Variants in CELF2 observed in about 807,000 individuals in gnomAD.
The protein encoded by CELF2 is CUG triplet repeat RNA-binding protein 2.
In CELF2, 8 loss-of-function variants were observed where a neutral mutation model predicts 62.6. The ratio of observed to expected loss-of-function variants is 0.13; its 90% confidence interval spans 0.07 to 0.23. CELF2 has a LOEUF of 0.23. CELF2 is among the 10% of genes least tolerant of loss of function. The probability of loss-of-function intolerance (pLI) is 1.00; values close to 1 mark genes in which losing one functional copy is unlikely to be tolerated. For synonymous variants in CELF2, 258 were observed against 250.0 expected, an observed-to-expected ratio of 1.03 and a Z score of -0.30; for missense variants, 333 against 671.0, an observed-to-expected ratio of 0.50 and a Z score of 5.56.
intron 1 of CELF2, among the ~76,000 whole-genome samples, chr10:10,868,304 C>T (rs893284263): frequency 5.9e-5 from 9 of 152,288 alleles, no homozygotes; most frequent in South Asian, 2.1e-4. Flanking sequence ...ATGGCTCACA[C>T]GCAAAGTTGG....
intron 9 of CELF2, among the ~76,000 whole-genome samples, chr10:11,289,068 T>C (rs1446697259): frequency 6.6e-6 from 1 of 152,254 alleles, no homozygotes; most frequent in Non-Finnish European, 1.5e-5. Context: ...TTAAAGTCTT[T>C]TTTTCTTCAC....
At chr10:11,040,219 C>T (rs2061591990) in intron 1 of CELF2, among the ~76,000 whole-genome samples, 1 of 152,132 alleles carries the variant, frequency 6.6e-6, no homozygotes, top group South Asian at 2.1e-4. Context: ...TAACTGTGTT[C>T]TCTGTGAATG....
chr10:10,809,231 G>A (rs1239550809), intron 1 of CELF2, among the ~76,000 whole-genome samples: 1 of 151,972 alleles, frequency 6.6e-6, no homozygotes, highest in Admixed American at 6.6e-5. Context: ...CTCTACCATG[G>A]AAGGGCACAG....
chr10:10,678,083 A>G, the CELF2 span, among the ~76,000 whole-genome samples: 1 of 152,188 alleles, frequency 6.6e-6, no homozygotes, highest in African/African-American at 2.4e-5. Context: ...CTTCTTTGGC[A>G]TATTCTGACT....
chr10:11,225,411 C>G (rs187406133), intron 3 of CELF2, among the ~76,000 whole-genome samples: 103 of 152,328 alleles, frequency 6.8e-4, no homozygotes, highest in African/African-American at 2.3e-3. Flanking sequence ...TCCAATCTTG[C>G]AAAACTCTTC....
chr10:10,698,505 T>C, the CELF2 span, among the ~76,000 whole-genome samples: 5 of 152,244 alleles, frequency 3.3e-5, no homozygotes, highest in African/African-American at 1.2e-4. Flanking sequence ...CCTAATTTCA[T>C]CTACAAAATT....
At position 11,145,723 on chromosome 10, in the gene CELF2, C is replaced by T. The variant is rs1362046389; in HGVS notation, c.75-19763C>T. ...CATGCTTTAGAAAATCCAGCCAGGC[C>T]TCTGTGGTAGATAAGAAGTTGCTTC... is the stretch of plus-strand genomic sequence containing the variant. On this transcript the variant is annotated intron_variant, in intron 1 of 12. Coordinates refer to ENST00000633077, the MANE Select transcript of CELF2 (RefSeq NM_001326342.2). This position sits in a 1 kb window ranked among gnomAD's most constrained non-coding sequence, Gnocchi z 4.3. Among the ~76,000 whole-genome samples, 1 of 152,154 alleles carries T rather than the reference C, an allele frequency of 6.6e-6. No homozygotes were observed. The highest frequency in any genetic ancestry group is 1.5e-5 in the Non-Finnish European group (1 of 68,030).
chr10:11,218,699 A>G (rs1039502500), intron 3 of CELF2, among the ~76,000 whole-genome samples: 2 of 152,270 alleles, frequency 1.3e-5, no homozygotes, highest in African/African-American at 2.4e-5. Context: ...GTGTGGTCCC[A>G]CAATGGTCCT....
chr10:10,941,206 T>A (rs1488391111), intron 2 of CELF2, among the ~76,000 whole-genome samples: 1 of 152,198 alleles, frequency 6.6e-6, no homozygotes. Flanking sequence ...TTCTCTTTTT[T>A]TCTGGAGGAG....
chr10:10,792,954 G>A, the CELF2 span, among the ~76,000 whole-genome samples: 16 of 152,118 alleles, frequency 1.1e-4, no homozygotes, highest in Admixed American at 3.9e-4. Context: ...GCTTTAATCC[G>A]TTTTACCCTC....
chr10:10,878,321 G>A (rs1442241359), intron 1 of CELF2, among the ~76,000 whole-genome samples: 1 of 152,230 alleles, frequency 6.6e-6, no homozygotes, highest in Non-Finnish European at 1.5e-5. Flanking sequence ...AATCTGGTGA[G>A]CAACCTCAGA....
rs1403787903 is a variant in CELF2, at chr10:11,197,020, GAAAGAAA to G, written c.272-20403_272-20397del. 5.8e-3 allele frequency among the ~76,000 whole-genome samples: 55 copies of G among 9,498 alleles called. 13 individuals are homozygous for G. The highest frequency in any genetic ancestry group is 0.01 in the African/African-American group (23 of 2,260). The allele number at this position is 9,498 out of a possible 152,430, so 6.2% of individuals were successfully genotyped here. On this transcript the variant is annotated intron_variant, in intron 2 of 12. Transcript: ENST00000633077. The stretch of plus-strand genomic sequence containing the variant: ...AAGGAAGGAGAAAGAAAGAAAGAAA[GAAAGAAA>G]AGAAAGAAAGAAAGAAAGAAAGAAA...
rs542986271 is a variant in CELF2, at chr10:10,798,727, C to T, written c.-38C>T. On this transcript the variant is annotated 5_prime_UTR_variant, in exon 1 of 14. Coordinates refer to the CELF2 transcript ENST00000636488. Reference sequence around the variant, plus strand: ...GTTCCCCAGCACCCCATCCCCGCCTCCTCCTCTCCGGACTCGCCCTCAGCC... The same window carrying T: ...GTTCCCCAGCACCCCATCCCCGCCTTCTCCTCTCCGGACTCGCCCTCAGCC... The T allele has an allele frequency of 1.1e-4, 42 of 398,858 alleles. 1 individual carries two copies. Among genetic ancestry groups the T allele is most frequent in the African/African-American group, 7.8e-4 (38 of 48,760 alleles). The allele number at this position is 398,858 out of a possible 1,614,324, so 24.7% of individuals were successfully genotyped here. A position where few individuals can be genotyped will look rare whatever the true frequency, so the allele number is the denominator to read the frequency against.
At position 10,808,740 on chromosome 10, in the gene CELF2, A is replaced by G. The variant is rs374694533; in HGVS notation, c.53+9923A>G. Among the ~76,000 whole-genome samples, 15 of 152,200 alleles carry G rather than the reference A, an allele frequency of 9.9e-5. No homozygotes were observed. In the East Asian group the frequency reaches 1.2e-3, roughly 12 times the overall value. The stretch of plus-strand genomic sequence containing the variant: ...AGACACGGTAAAGACAACATGAAAC[A>G]CAGAAAATTATTTTTATGAGGTGCA... On this transcript the variant is annotated intron_variant, in intron 1 of 13. Coordinates refer to the CELF2 transcript ENST00000636488.
intron 3 of CELF2, among the ~76,000 whole-genome samples, chr10:11,245,711 C>T (rs1374543978): frequency 6.6e-6 from 1 of 152,162 alleles, no homozygotes; most frequent in Non-Finnish European, 1.5e-5. Flanking sequence ...TCATATGAGT[C>T]ATACAGCTAT....
upstream of CELF2, among the ~76,000 whole-genome samples, chr10:11,004,616 G>A (rs992675414): frequency 1.3e-5 from 2 of 152,094 alleles, no homozygotes; most frequent in African/African-American, 2.4e-5. This position sits in a 1 kb window ranked among gnomAD's most constrained non-coding sequence, Gnocchi z 5.0. Flanking sequence ...CTCCTGTGTC[G>A]ATGAGGACTC....
At chr10:10,671,616 T>A in the CELF2 span, among the ~76,000 whole-genome samples, 1 of 152,174 alleles carries the variant, frequency 6.6e-6, no homozygotes, top group African/African-American at 2.4e-5. Context: ...ATATTCTGGA[T>A]TTTGGCCATT....
rs756000060 is a variant in CELF2 at position 11,275,139 on chromosome 10, C to G, written c.841+19C>G. 8 of 1,613,302 alleles carry G rather than the reference C, an allele frequency of 5.0e-6. No homozygotes were observed. In the African/African-American group the frequency reaches 5.3e-5, roughly 11 times the overall value. On this transcript the variant is annotated intron_variant, in intron 8 of 12. Transcript: ENST00000633077. The stretch of plus-strand genomic sequence containing the variant: ...ATGGCAGGTAAGTCAGGAAGCACGC[C>G]TCTCCTTTTGACCGTGCTATTGTCA...
the CELF2 span, among the ~76,000 whole-genome samples, chr10:10,664,573 T>G: frequency 1.3e-5 from 2 of 152,240 alleles, no homozygotes; most frequent in African/African-American, 4.8e-5. Flanking sequence ...ATGCATATAC[T>G]TTTTTCAATT....
Sources: gnomAD v4.1 joint callset for allele counts (sites outside exome capture counted in the v4.1 genomes callset) on GRCh38, gnomAD v4.1.1 for gene constraint, Gnocchi (gnomAD v3.1) non-coding constraint, MANE v1.5 for transcripts, NCBI Gene and HGNC (gene_info 2026-07-23, HGNC 2026-07-21) for gene names.